The following CHCHD3 variants were observed in gnomAD, a reference collection of about 807,000 sequenced individuals.
CHCHD3 encodes the protein coiled-coil-helix-coiled-coil-helix domain containing 3, also known as MICOS complex subunit MIC19.
In CHCHD3, 20 loss-of-function variants were observed where a neutral mutation model predicts 38.2. The ratio of observed to expected loss-of-function variants is 0.52; its 90% CI spans 0.37 to 0.76. CHCHD3 has a LOEUF of 0.76. Ranked by LOEUF, CHCHD3 falls within the 30% of genes least tolerant of loss-of-function variation. CHCHD3 has a pLI of 0.00. For synonymous variants in CHCHD3, 82 were observed against 100.0 expected (o/e 0.82, Z 1.07); for missense variants, 245 against 279.2 (o/e 0.88, Z 0.87).
intron 4 of CHCHD3, among the ~76,000 whole-genome samples, chr7:132,900,614 G>T (rs1809643358): frequency 6.6e-6 from 1 of 152,128 alleles, no homozygotes; most frequent in African/African-American, 2.4e-5. Flanking sequence ...GGACTCAAAA[G>T]AATAATTTTG....
At chr7:132,984,910 C>A (rs1812052586) in intron 3 of CHCHD3, among the ~76,000 whole-genome samples, 1 of 94,350 alleles carries the variant, frequency 1.1e-5, no homozygotes, top group African/African-American at 4.0e-5. Flanking sequence ...GGGGGGTCAG[C>A]CCCCCGCCCG....
At chr7:132,858,745 T>A (rs1277255557) in intron 5 of CHCHD3, among the ~76,000 whole-genome samples, 3 of 152,224 alleles carry the variant, frequency 2.0e-5, no homozygotes, top group Non-Finnish European at 1.5e-5. Context: ...ACAAGAAAGG[T>A]ATAAATGCTA....
intron 2 of CHCHD3, among the ~76,000 whole-genome samples, chr7:133,050,102 T>G (rs909574874): frequency 6.6e-6 from 1 of 151,774 alleles, no homozygotes; most frequent in African/African-American, 2.4e-5. Flanking sequence ...ATCCCAGCAC[T>G]TTGGGAGGCT....
intron 4 of CHCHD3, among the ~76,000 whole-genome samples, chr7:132,965,294 A>C (rs566004514): frequency 6.6e-5 from 10 of 152,296 alleles, no homozygotes; most frequent in Admixed American, 2.0e-4. Context: ...CTCGGCACAG[A>C]AGATCAGAGT....
At chr7:133,047,711 G>T (rs1194775610) in intron 2 of CHCHD3, among the ~76,000 whole-genome samples, 1 of 152,188 alleles carries the variant, frequency 6.6e-6, no homozygotes, top group Admixed American at 6.5e-5. Context: ...AATCCTCAGA[G>T]ATTGGAGGTA....
chr7:132,942,094 T>C (rs1024066805), intron 4 of CHCHD3, among the ~76,000 whole-genome samples: 38 of 152,280 alleles, frequency 2.5e-4, no homozygotes, highest in African/African-American at 8.9e-4. Flanking sequence ...CTATCCCTGC[T>C]GGGTCCCTAT....
At chr7:133,055,537 A>G (rs917830015) in intron 2 of CHCHD3, among the ~76,000 whole-genome samples, 1 of 146,438 alleles carries the variant, frequency 6.8e-6, no homozygotes. Flanking sequence ...ATATTTAATT[A>G]TAATTGTTTA....
intron 4 of CHCHD3, among the ~76,000 whole-genome samples, chr7:132,955,513 TTTTG>T (rs1186524134): frequency 2.6e-5 from 4 of 151,926 alleles, no homozygotes; most frequent in Admixed American, 6.6e-5. Context: ...AGCTGGGGTT[TTTTG>T]TTTGTTTGTT....
chr7:132,906,049 G>T (rs1809797252), intron 4 of CHCHD3, among the ~76,000 whole-genome samples: 1 of 152,042 alleles, frequency 6.6e-6, no homozygotes, highest in African/African-American at 2.4e-5. Context: ...AACTGCACTG[G>T]CCACAAAAAT....
intron 4 of CHCHD3, among the ~76,000 whole-genome samples, chr7:132,923,731 T>C (rs1324548861): frequency 6.6e-6 from 1 of 152,206 alleles, no homozygotes; most frequent in Non-Finnish European, 1.5e-5. Flanking sequence ...AACTTGAAGA[T>C]AGACCCCACC....
chr7:132,913,263 C>T (rs547065002), intron 4 of CHCHD3, among the ~76,000 whole-genome samples: 24 of 152,156 alleles, frequency 1.6e-4, no homozygotes, highest in Admixed American at 1.5e-3. Flanking sequence ...ATGAACCAAA[C>T]CCTGATTCAA....
intron 2 of CHCHD3, among the ~76,000 whole-genome samples, chr7:133,033,104 A>T (rs1020253754): frequency 3.2e-4 from 48 of 152,176 alleles, no homozygotes; most frequent in Non-Finnish European, 2.6e-4. Context: ...TTCAAACATA[A>T]CTACCCTAGC....
intron 5 of CHCHD3, among the ~76,000 whole-genome samples, chr7:132,882,962 T>C (rs1312762770): frequency 6.6e-6 from 1 of 152,054 alleles, no homozygotes; most frequent in Non-Finnish European, 1.5e-5. Flanking sequence ...ATGGGTGTGG[T>C]TTCCCCAGGC....
Position 132,794,805 on chromosome 7 carries a change from T to G in CHCHD3, c.660+1637A>C, listed in dbSNP as rs1806562603. Among the ~76,000 whole-genome samples, 3 of 152,212 alleles carry G rather than the reference T, an allele frequency of 2.0e-5. No homozygotes were observed. In the South Asian group the frequency reaches 6.2e-4, roughly 31 times the overall value. On this transcript the variant is annotated intron_variant, in intron 7 of 7. Coordinates refer to ENST00000262570, the MANE Select transcript of CHCHD3 (RefSeq NM_017812.4). ...GAAAAATAAGATTTACTGAATACTT[T>G]ATATAAAGGTAATCCTCACAACATT...
At chr7:133,008,351 C>T (rs1314429436) in intron 3 of CHCHD3, among the ~76,000 whole-genome samples, 4 of 108,926 alleles carry the variant, frequency 3.7e-5, no homozygotes, top group African/African-American at 7.0e-5. Context: ...ATTAAGCTAT[C>T]GATGGTTTTT....
intron 3 of CHCHD3, among the ~76,000 whole-genome samples, chr7:132,979,306 A>G (rs536055520): frequency 6.6e-6 from 1 of 152,290 alleles, no homozygotes; most frequent in East Asian, 1.9e-4. Context: ...TGTAATCCTG[A>G]GATTTCTCAC....
intron 4 of CHCHD3, among the ~76,000 whole-genome samples, chr7:132,974,215 C>T (rs1439148415): frequency 1.3e-5 from 2 of 152,052 alleles, no homozygotes; most frequent in African/African-American, 2.4e-5. Flanking sequence ...AAAATAATCT[C>T]GAGGAAAACA....
chr7:132,831,643 A>G (rs948533094), intron 6 of CHCHD3, among the ~76,000 whole-genome samples: 1 of 152,194 alleles, frequency 6.6e-6, no homozygotes, highest in Admixed American at 6.6e-5. Context: ...GTTTTAATTA[A>G]AAGTTTAAGA....
At chr7:133,055,030 T>G (rs1342725997) in intron 2 of CHCHD3, among the ~76,000 whole-genome samples, 2 of 151,906 alleles carry the variant, frequency 1.3e-5, no homozygotes, top group East Asian at 3.9e-4. Context: ...TAACCGTTTT[T>G]AAAATGTAGA....
Sources: gnomAD v4.1 joint callset for allele counts (sites outside exome capture counted in the v4.1 genomes callset) on GRCh38, gnomAD v4.1.1 for gene constraint, MANE v1.5 for transcripts, NCBI Gene and HGNC (gene_info 2026-07-23, HGNC 2026-07-21) for gene names.